ITPKB: variants seen among roughly 807,000 people sequenced by gnomAD.
ITPKB encodes IP3 3-kinase B.
In ITPKB, 13 loss-of-function variants were observed where a neutral mutation model predicts 69.4. That is an observed-to-expected ratio of 0.19 (90% CI 0.12 to 0.30). The LOEUF (loss-of-function observed/expected upper bound fraction) is 0.30, where lower values mean the gene tolerates loss of function less well. Ranked by LOEUF, ITPKB falls within the 10% of genes least tolerant of loss-of-function variation. The probability of loss-of-function intolerance (pLI) is 1.00; values close to 1 mark genes in which losing one functional copy is unlikely to be tolerated. For missense variants in ITPKB, 1,240 were observed against 1,250.5 expected, an observed-to-expected ratio of 0.99 and a Z score of 0.13; for synonymous variants, 584 against 513.7, an observed-to-expected ratio of 1.14 and a Z score of -1.85.
In ITPKB at chr1:226,737,459, A is replaced by G. The variant is rs757807472; in HGVS notation, c.-1T>C. 4 of 1,593,320 alleles carry G rather than the reference A, an allele frequency of 2.5e-6. No homozygotes were observed. The highest frequency in any genetic ancestry group is 3.4e-6 in the Non-Finnish European group (4 of 1,173,008). On this transcript the variant is annotated 5_prime_UTR_variant, in exon 2 of 8. Coordinates refer to ENST00000429204, the MANE Select transcript of ITPKB (RefSeq NM_002221.4). ...TGAGCGCATAGCAGTACACAGCCATAGTACTGGGTCCCGCGCTGCCCGCCG... is the reference window on the plus strand; with the variant it reads ...TGAGCGCATAGCAGTACACAGCCATGGTACTGGGTCCCGCGCTGCCCGCCG...
chr1:226,737,055 T>G lies in ITPKB; in HGVS notation c.404A>C (p.Gln135Pro). The G allele has an allele frequency of 6.2e-7, 1 of 1,611,954 alleles. No individual in the cohort carries two copies. Among genetic ancestry groups the G allele is most frequent in the Non-Finnish European group, 8.5e-7 (1 of 1,179,930 alleles). The change falls in exon 2 of 8, where the codon CAG becomes CCG. Residue 135 changes from glutamine to proline, a missense_variant. Physicochemically the swap from Gln to Pro is moderately conservative, Grantham distance 76. Around this residue, in one of 2 missense-constraint regions of ITPKB, gnomAD observed 992 missense variants for 853.8 expected, o/e 1.16. Transcript: ENST00000429204. ...CACCTGCACGTTCTGCAACTCGCGCTGCAAGATCCGCAGCTTCCTCTTGGC... is the reference window on the plus strand; with the variant it reads ...CACCTGCACGTTCTGCAACTCGCGCGGCAAGATCCGCAGCTTCCTCTTGGC... ...EEAKRKLRILQRELQNVQVNQ... is the reference protein window; with the variant it reads ...EEAKRKLRILPRELQNVQVNQ...
At chr1:226,707,029 T>TTG (rs1371997672) in intron 2 of ITPKB, among the ~76,000 whole-genome samples, 1 of 152,144 alleles carries the variant, frequency 6.6e-6, no homozygotes, top group Non-Finnish European at 1.5e-5. Context: ...CTAAGGGTGG[T>TTG]TGCATAAGAA....
At chr1:226,643,545 C>T (rs935639739) in intron 4 of ITPKB, among the ~76,000 whole-genome samples, 13 of 152,366 alleles carry the variant, frequency 8.5e-5, no homozygotes, top group African/African-American at 2.6e-4. Context: ...TGTTCCAACA[C>T]TGCCCACCAA....
At chr1:226,647,762 G>A (rs1408659279) in intron 3 of ITPKB, among the ~76,000 whole-genome samples, 1 of 152,248 alleles carries the variant, frequency 6.6e-6, no homozygotes, top group Non-Finnish European at 1.5e-5. Context: ...GGCCTCAGTA[G>A]AGAAACCCTG....
intron 2 of ITPKB, among the ~76,000 whole-genome samples, chr1:226,715,040 A>C (rs936808605): frequency 6.6e-6 from 1 of 152,260 alleles, no homozygotes; most frequent in African/African-American, 2.4e-5. Flanking sequence ...GAGAAACTCT[A>C]AGAATATCTT....
At chr1:226,682,660 T>G (rs1038969198) in intron 2 of ITPKB, among the ~76,000 whole-genome samples, 19 of 152,200 alleles carry the variant, frequency 1.2e-4, no homozygotes, top group Non-Finnish European at 2.5e-4. Context: ...TGGGATTGAC[T>G]GGTGTTTGGT....
intron 2 of ITPKB, among the ~76,000 whole-genome samples, chr1:226,690,575 C>A (rs1236236589): frequency 6.6e-6 from 1 of 152,186 alleles, no homozygotes; most frequent in Non-Finnish European, 1.5e-5. Flanking sequence ...CATCAAGAGG[C>A]TCTGACAAGC....
intron 2 of ITPKB, among the ~76,000 whole-genome samples, chr1:226,665,852 C>T (rs928815886): frequency 8.5e-5 from 13 of 152,146 alleles, no homozygotes; most frequent in African/African-American, 2.7e-4. Context: ...CCAGGTGAGG[C>T]GAGGAGACAC....
At position 226,737,273 on chromosome 1, in the gene ITPKB, C is replaced by G; in HGVS notation, c.186G>C (p.Glu62Asp). The G allele has an allele frequency of 6.4e-7, 1 of 1,554,448 alleles. No homozygotes were observed. The highest frequency in any genetic ancestry group is 1.1e-5 in the South Asian group (1 of 87,186). Residue 62 changes from glutamate (E) to aspartate (D), a missense_variant, in exon 2 of 8, where the codon GAG (glutamate) becomes GAC (aspartate). Coordinates refer to ENST00000429204, the MANE Select transcript of ITPKB (RefSeq NM_002221.4). Reference sequence around the variant, plus strand: ...TCCGGGGCTCCTCGGGGGACAGCGACTCGGCTGGGGGGAAGAGGAAAGAGG... The same window carrying G: ...TCCGGGGCTCCTCGGGGGACAGCGAGTCGGCTGGGGGGAAGAGGAAAGAGG... ...RGASFLFPPAESLSPEEPRSP... is the reference protein window; with the variant it reads ...RGASFLFPPADSLSPEEPRSP...
chr1:226,701,827 T>C (rs1656649816), intron 2 of ITPKB, among the ~76,000 whole-genome samples: 1 of 152,110 alleles, frequency 6.6e-6, no homozygotes, highest in Non-Finnish European at 1.5e-5. Context: ...TGACTGCAGA[T>C]GTCATGATGA....
intron 2 of ITPKB, among the ~76,000 whole-genome samples, chr1:226,690,591 G>C (rs565752551): frequency 6.6e-6 from 1 of 152,174 alleles, no homozygotes. Context: ...CAAGCCAGTG[G>C]GCAGGGAGAG....
rs761896861 is a variant in ITPKB at position 226,735,903 on chromosome 1, G to C, written c.1556C>G (p.Ala519Gly). Residue 519 changes from alanine (A) to glycine (G), a missense_variant, in exon 2 of 8, where the codon GCT becomes GGT. By Grantham distance (60) the Ala-to-Gly change is moderately conservative. Transcript: ENST00000429204. The stretch of plus-strand genomic sequence containing the variant: ...TTGCACCCCTGTGCCACGCGTCCAA[G>C]CCAAACCGGCTTTCTCCATGGTGCC... ...WQGTMEKAGL[A>G]WTRGTGVQSE... 1.2e-6 allele frequency: 2 copies of C among 1,613,508 alleles called. No individual in the cohort carries two copies. The highest frequency in any genetic ancestry group is 1.1e-5 in the South Asian group (1 of 91,066).
chr1:226,649,433 GTA>G (rs1669132332), intron 2 of ITPKB, among the ~76,000 whole-genome samples: 2 of 132,192 alleles, frequency 1.5e-5, no homozygotes, highest in African/African-American at 3.0e-5. Context: ...GAGTGTGTGC[GTA>G]TGTGTGCGTG....
chr1:226,681,358 G>C (rs1299867920), intron 2 of ITPKB, among the ~76,000 whole-genome samples: 1 of 152,142 alleles, frequency 6.6e-6, no homozygotes, highest in Non-Finnish European at 1.5e-5. Flanking sequence ...ATTGGGCAGA[G>C]AAGGCAGGGA....
chr1:226,642,031 G>A lies in ITPKB; in HGVS notation c.2341C>T (p.Pro781Ser). 6.2e-7 allele frequency: 1 copy of A among 1,614,102 alleles called. No individual in the cohort carries two copies. Among genetic ancestry groups the A allele is most frequent in the Non-Finnish European group, 8.5e-7 (1 of 1,180,018 alleles). Residue 781 changes from proline (P) to serine (S), a missense_variant, in exon 5 of 8, where the codon CCC becomes TCC. Around this residue, in one of 2 missense-constraint regions of ITPKB, gnomAD observed 248 missense variants for 396.7 expected, o/e 0.63. Transcript: ENST00000429204. The surrounding 1 kb of genome is among the most constrained non-coding windows in gnomAD (Gnocchi z 6.4). Reference sequence around the variant, plus strand: ...CGCTGTGCTTTTTCCTCCTCGGTGGGGGCCTCGGGGTCCACCTCGATCATC... The same window carrying A: ...CGCTGTGCTTTTTCCTCCTCGGTGGAGGCCTCGGGGTCCACCTCGATCATC... ...QKMIEVDPEA[P>S]TEEEKAQRAV...
chr1:226,686,201 G>C (rs897316563), intron 2 of ITPKB, among the ~76,000 whole-genome samples: 1 of 152,200 alleles, frequency 6.6e-6, no homozygotes, highest in Admixed American at 6.5e-5. Context: ...GGGGTGGATG[G>C]GCAGGGGGCA....
At chr1:226,671,614 G>A (rs558866283) in intron 2 of ITPKB, among the ~76,000 whole-genome samples, 1 of 152,318 alleles carries the variant, frequency 6.6e-6, no homozygotes, top group South Asian at 2.1e-4. Context: ...GCAGCTATGA[G>A]CATCCTGAAG....
intron 4 of ITPKB, among the ~76,000 whole-genome samples, chr1:226,643,484 G>A (rs181745116): frequency 0.01 from 1,598 of 152,212 alleles, 18 homozygotes; most frequent in Non-Finnish European, 0.015. Flanking sequence ...GGCCCCGCCC[G>A]CCTGCCCTCC....
At chr1:226,695,358 G>A (rs1656453314) in intron 2 of ITPKB, among the ~76,000 whole-genome samples, 1 of 152,210 alleles carries the variant, frequency 6.6e-6, no homozygotes, top group Non-Finnish European at 1.5e-5. Flanking sequence ...ATAAAAGACT[G>A]AAGGTCCATA....
Sources: allele counts gnomAD v4.1 joint callset (sites outside exome capture counted in the v4.1 genomes callset), GRCh38; gene constraint gnomAD v4.1.1; regional missense constraint gnomAD v4.1.1; non-coding constraint Gnocchi (gnomAD v3.1); transcripts MANE v1.5; gene names NCBI Gene and HGNC (gene_info 2026-07-23, HGNC 2026-07-21).